The following ZSCAN25 variants were observed in gnomAD, a reference collection of about 807,000 sequenced individuals.
The protein encoded by ZSCAN25 is zinc finger and SCAN domain containing 25.
A neutral mutation model predicts 38.7 loss-of-function variants in ZSCAN25; 27 were observed. That is an observed-to-expected ratio of 0.70 (90% CI 0.51 to 0.96). The LOEUF (loss-of-function observed/expected upper bound fraction) is 0.96, where lower values mean the gene tolerates loss of function less well. Among genes scored for constraint, ZSCAN25 ranks in the 40% least tolerant of loss-of-function variants. The probability of loss-of-function intolerance (pLI) is 0.00; values close to 1 mark genes in which losing one functional copy is unlikely to be tolerated. For synonymous variants in ZSCAN25, 273 were observed against 277.7 expected, an observed-to-expected ratio of 0.98 and a Z score of 0.17; for missense variants, 637 against 705.9, an observed-to-expected ratio of 0.90 and a Z score of 1.11.
the ZSCAN25 span, among the ~76,000 whole-genome samples, chr7:99,675,622 CTTTTCTCT>C: frequency 8.4e-6 from 1 of 118,544 alleles, no homozygotes. Context: ...CTCTCCTCTC[CTTTTCTCT>C]CCTCTCCTCT....
chr7:99,679,977 G>A, the ZSCAN25 span: 16 of 1,244,344 alleles, frequency 1.3e-5, no homozygotes, highest in Non-Finnish European at 1.9e-5. Context: ...TTTGCCTGGA[G>A]CTTCCCTGCC....
the ZSCAN25 span, among the ~76,000 whole-genome samples, chr7:99,689,483 T>C: frequency 5.3e-5 from 8 of 152,324 alleles, no homozygotes; most frequent in East Asian, 1.5e-3. Flanking sequence ...GTTGAATCTC[T>C]GAATAGACCA....
rs975469855 is a variant in ZSCAN25, at chr7:99,630,964, C to A, written c.*944C>A. On this transcript the variant is annotated 3_prime_UTR_variant, in exon 8 of 8. Coordinates refer to ENST00000394152, the MANE Select transcript of ZSCAN25 (RefSeq NM_145115.3). ...TTTATAGTTCATAAAATTAATTTCA[C>A]CCCATTCTCATTGGACCCATTTCCC... 1 of 950,316 alleles carries A rather than the reference C, an allele frequency of 1.1e-6. No individual in the cohort carries two copies. Among genetic ancestry groups the A allele is most frequent in the Non-Finnish European group, 1.3e-6 (1 of 798,074 alleles). 58.9% of individuals were successfully genotyped at this position (950,316 alleles called of 1,614,324 possible).
chr7:99,712,017 T>C, the ZSCAN25 span, among the ~76,000 whole-genome samples: 1 of 152,160 alleles, frequency 6.6e-6, no homozygotes, highest in African/African-American at 2.4e-5. Flanking sequence ...TGAGTGGTGA[T>C]TGATTGCAGT....
the ZSCAN25 span, among the ~76,000 whole-genome samples, chr7:99,729,107 C>G: frequency 0.058 from 8,822 of 152,246 alleles, 531 homozygotes; most frequent in East Asian, 0.25. Flanking sequence ...TTGGACCCAC[C>G]TGGACACTTT....
the ZSCAN25 span, among the ~76,000 whole-genome samples, chr7:99,703,541 A>G: frequency 2.6e-5 from 4 of 152,274 alleles, no homozygotes; most frequent in South Asian, 2.1e-4. Context: ...TCTGTTATCT[A>G]TCACCTATCT....
chr7:99,652,689 G>T, the ZSCAN25 span: 1 of 1,613,994 alleles, frequency 6.2e-7, no homozygotes, highest in Non-Finnish European at 8.5e-7. Flanking sequence ...GTCCTCTCAA[G>T]TCTAATAGCA....
At chr7:99,717,965 G>A in the ZSCAN25 span, among the ~76,000 whole-genome samples, 2 of 152,164 alleles carry the variant, frequency 1.3e-5, no homozygotes, top group African/African-American at 2.4e-5. Flanking sequence ...AGGTGGCTTT[G>A]TTGGACTGTA....
At chr7:99,717,528 C>T in the ZSCAN25 span, 51 of 1,613,518 alleles carry the variant, frequency 3.2e-5, no homozygotes, top group South Asian at 3.7e-4. Context: ...TTTCATACCT[C>T]CTTGAGTTTT....
intron 5 of ZSCAN25, 185 bp downstream of exon 5, chr7:99,621,759 C>G (rs1014687285): frequency 4.6e-6 from 2 of 433,382 alleles, no homozygotes; most frequent in Non-Finnish European, 7.9e-6. Context: ...CCTTTACCCT[C>G]TGGTGTCTGG....
At chr7:99,689,935 A>G in the ZSCAN25 span, among the ~76,000 whole-genome samples, 1 of 152,230 alleles carries the variant, frequency 6.6e-6, no homozygotes, top group African/African-American at 2.4e-5. Flanking sequence ...TCTTCACAGA[A>G]TTGGAAAAAA....
At chr7:99,688,523 A>G in the ZSCAN25 span, among the ~76,000 whole-genome samples, 1 of 152,206 alleles carries the variant, frequency 6.6e-6, no homozygotes. Flanking sequence ...TTCATAAAGC[A>G]AGTCCTTAGT....
the ZSCAN25 span, chr7:99,722,251 A>G: frequency 1.2e-6 from 2 of 1,611,192 alleles, no homozygotes; most frequent in African/African-American, 1.3e-5. Flanking sequence ...GGGTAAACTC[A>G]TCATAGAAAC....
chr7:99,665,653 T>A, the ZSCAN25 span, among the ~76,000 whole-genome samples: 1 of 152,234 alleles, frequency 6.6e-6, no homozygotes, highest in African/African-American at 2.4e-5. Context: ...GCTCTGTGCT[T>A]CAGCAGAACA....
At chr7:99,692,187 G>C in the ZSCAN25 span, among the ~76,000 whole-genome samples, 1 of 152,192 alleles carries the variant, frequency 6.6e-6, no homozygotes, top group Non-Finnish European at 1.5e-5. Context: ...ATTTTGGGTT[G>C]AAAATTCTTT....
At chr7:99,618,147 C>T (rs1431020727) in intron 1 of ZSCAN25, 2 of 152,252 alleles carry the variant, frequency 1.3e-5, no homozygotes, top group African/African-American at 4.8e-5. Context: ...TCTCCTTCCC[C>T]TGGTGCTTTG....
chr7:99,637,320 T>C (rs1808320946), downstream of ZSCAN25, among the ~76,000 whole-genome samples: 1 of 152,054 alleles, frequency 6.6e-6, no homozygotes, highest in East Asian at 1.9e-4. Context: ...AAAAGTCACT[T>C]AAAATATCTA....
Position 99,630,286 on chromosome 7 carries a change from C to T in ZSCAN25, c.*266C>T. On this transcript the variant is annotated 3_prime_UTR_variant, in exon 8 of 8. Transcript: ENST00000394152. ...CAGTTCAGGCTGAGATTTTCTCCTT[C>T]AGTGGACTGTCTGTGTCCCCCTGCC... 2 of 1,270,274 alleles carry T rather than the reference C, an allele frequency of 1.6e-6. No individual in the cohort carries two copies. Among genetic ancestry groups the T allele is most frequent in the Non-Finnish European group, 9.9e-7 (1 of 1,007,716 alleles). The allele number at this position is 1,270,274 out of a possible 1,614,324, so 78.7% of individuals were successfully genotyped here.
the ZSCAN25 span, chr7:99,695,770 CA>C: frequency 6.2e-7 from 1 of 1,613,074 alleles, no homozygotes; most frequent in Non-Finnish European, 8.5e-7. Flanking sequence ...AAGTAGTTCC[CA>C]AAAAAAGCAG....
Sources: allele counts gnomAD v4.1 joint callset (sites outside exome capture counted in the v4.1 genomes callset), GRCh38; gene constraint gnomAD v4.1.1; transcripts MANE v1.5; gene names NCBI Gene and HGNC (gene_info 2026-07-23, HGNC 2026-07-21).